The following TBC1D4 variants were observed in gnomAD, a reference collection of about 807,000 sequenced individuals.
TBC1D4 encodes TBC1 domain family member 4, also known as TBC (Tre-2, BUB2, CDC16) domain-containing protein.
In TBC1D4, 121 loss-of-function variants were observed where a neutral mutation model predicts 142.5. The observed-to-expected ratio is 0.85, with a 90% CI of 0.73 to 0.99. The LOEUF (loss-of-function observed/expected upper bound fraction) is 0.99, where lower values mean the gene tolerates loss of function less well. TBC1D4 is among the 50% of genes least tolerant of loss of function. The probability of loss-of-function intolerance (pLI) is 0.00; values close to 1 mark genes in which losing one functional copy is unlikely to be tolerated. For synonymous variants in TBC1D4, 630 were observed against 628.2 expected (o/e 1.00, Z -0.04); for missense variants, 1,475 against 1,606.6 (o/e 0.92, Z 1.40).
chr13:75,324,020 GATATC>G (rs928097437), intron 11 of TBC1D4, among the ~76,000 whole-genome samples: 1 of 152,092 alleles, frequency 6.6e-6, no homozygotes, highest in African/African-American at 2.4e-5. Context: ...AATTCAAAAA[GATATC>G]ATATCATCAA....
At chr13:75,327,888 A>G (rs1879412826) in intron 8 of TBC1D4, 62 bp from the exon 9 acceptor site, 2 of 1,546,010 alleles carry the variant, frequency 1.3e-6, no homozygotes, top group African/African-American at 1.4e-5. Context: ...CAAAACTATA[A>G]AAGGTAGTTC....
chr13:75,341,438 A>C, intron 6 of TBC1D4, 58 bp downstream of exon 6: 1 of 1,537,054 alleles, frequency 6.5e-7, no homozygotes, highest in Non-Finnish European at 9.0e-7. Context: ...AACGCATAAA[A>C]ACAGGATCCA....
intron 1 of TBC1D4, among the ~76,000 whole-genome samples, chr13:75,423,477 G>A (rs1480579583): frequency 6.6e-6 from 1 of 152,156 alleles, no homozygotes; most frequent in African/African-American, 2.4e-5. Flanking sequence ...AAAAGAGAGA[G>A]AGAGTTTTCC....
At chr13:75,416,741 G>A (rs573872054) in intron 1 of TBC1D4, among the ~76,000 whole-genome samples, 3 of 152,076 alleles carry the variant, frequency 2.0e-5, no homozygotes, top group African/African-American at 2.4e-5. Context: ...GTCTTCATTC[G>A]GTAAATACCC....
intron 1 of TBC1D4, among the ~76,000 whole-genome samples, chr13:75,399,237 T>C (rs1224654732): frequency 6.6e-6 from 1 of 152,028 alleles, no homozygotes; most frequent in Non-Finnish European, 1.5e-5. Context: ...GCTGCAAACA[T>C]CAGCTGTTTC....
At chr13:75,348,929 G>GGA (rs1428881682) in intron 5 of TBC1D4, among the ~76,000 whole-genome samples, 1 of 149,192 alleles carries the variant, frequency 6.7e-6, no homozygotes, top group Non-Finnish European at 1.5e-5. Context: ...GAGAGAGAGA[G>GGA]GAGAGAGAGT....
chr13:75,384,620 A>G (rs1489907354), intron 1 of TBC1D4, among the ~76,000 whole-genome samples: 1 of 151,582 alleles, frequency 6.6e-6, no homozygotes, highest in African/African-American at 2.4e-5. Flanking sequence ...ATACAGGAAT[A>G]TGAGCCCAAA....
chr13:75,452,226 T>C (rs558482468), intron 1 of TBC1D4, among the ~76,000 whole-genome samples: 11 of 152,334 alleles, frequency 7.2e-5, no homozygotes, highest in Non-Finnish European at 1.3e-4. Context: ...CAGTAAATGT[T>C]ACTGTCTGCC....
At chr13:75,293,297 A>G (rs1464884218) in intron 18 of TBC1D4, among the ~76,000 whole-genome samples, 1 of 152,240 alleles carries the variant, frequency 6.6e-6, no homozygotes, top group Non-Finnish European at 1.5e-5. Flanking sequence ...TCATTATTTC[A>G]TAGTAATTCT....
chr13:75,302,651 C>A, intron 15 of TBC1D4: 1 of 544,850 alleles, frequency 1.8e-6, no homozygotes, highest in East Asian at 3.2e-5. Flanking sequence ...TCACCCGTTG[C>A]TGACTGAGCA....
intron 12 of TBC1D4, among the ~76,000 whole-genome samples, chr13:75,319,228 C>T: frequency 6.6e-6 from 1 of 152,152 alleles, no homozygotes; most frequent in East Asian, 1.9e-4. Context: ...ACATCTCAGT[C>T]TAGTGCGATA....
chr13:75,358,751 C>T (rs541791290), intron 3 of TBC1D4, among the ~76,000 whole-genome samples: 2 of 152,126 alleles, frequency 1.3e-5, no homozygotes, highest in South Asian at 4.2e-4. Flanking sequence ...GTGGTCCCAG[C>T]TACTGGAGAG....
intron 1 of TBC1D4, among the ~76,000 whole-genome samples, chr13:75,408,582 A>G (rs1384911941): frequency 6.6e-6 from 1 of 152,190 alleles, no homozygotes; most frequent in African/African-American, 2.4e-5. Context: ...TCTTGGGTAG[A>G]TAACTGGGAG....
intron 17 of TBC1D4, among the ~76,000 whole-genome samples, chr13:75,295,398 A>G (rs1875806987): frequency 6.6e-6 from 1 of 152,174 alleles, no homozygotes; most frequent in Non-Finnish European, 1.5e-5. Flanking sequence ...CCTCCATTCT[A>G]AAGAATCTAC....
At chr13:75,349,637 A>G (rs573659282) in intron 4 of TBC1D4, among the ~76,000 whole-genome samples, 3 of 152,346 alleles carry the variant, frequency 2.0e-5, no homozygotes, top group African/African-American at 7.2e-5. Context: ...GCTTTATCAG[A>G]TAAAGATCCT....
intron 20 of TBC1D4, 52 bp from the exon 21 acceptor site, chr13:75,287,077 G>T (rs1874763139): frequency 6.8e-7 from 1 of 1,467,112 alleles, no homozygotes; most frequent in South Asian, 1.1e-5. Flanking sequence ...TATAGTAGGA[G>T]ACAGTCCTTA....
intron 7 of TBC1D4, among the ~76,000 whole-genome samples, chr13:75,340,028 T>C (rs73220090): frequency 2.0e-5 from 3 of 152,214 alleles, no homozygotes; most frequent in Non-Finnish European, 4.4e-5. Flanking sequence ...CACTACAGAT[T>C]CTTTTTTAAA....
chr13:75,457,958 C>T (rs1182155150), intron 1 of TBC1D4, among the ~76,000 whole-genome samples: 1 of 152,120 alleles, frequency 6.6e-6, no homozygotes, highest in African/African-American at 2.4e-5. Context: ...CCAGGGTAAG[C>T]GCTTTTGGTC....
At chr13:75,365,007 C>G (rs1184099398) in intron 1 of TBC1D4, among the ~76,000 whole-genome samples, 2 of 152,158 alleles carry the variant, frequency 1.3e-5, no homozygotes, top group Non-Finnish European at 2.9e-5. Context: ...TTTTGAATTT[C>G]TCTACCGCCA....
Sources: allele counts gnomAD v4.1 joint callset (sites outside exome capture counted in the v4.1 genomes callset), GRCh38; gene constraint gnomAD v4.1.1; transcripts MANE v1.5; gene names NCBI Gene and HGNC (gene_info 2026-07-23, HGNC 2026-07-21).